The following RAB38 variants were observed in gnomAD, a reference collection of about 807,000 sequenced individuals.
The protein encoded by RAB38 is RAB38, member RAS oncogene family.
A neutral mutation model predicts 18.4 loss-of-function variants in RAB38; 15 were observed. That is an observed-to-expected ratio of 0.82 (90% confidence interval 0.55 to 1.26). RAB38 has a LOEUF of 1.26. Among genes scored for constraint, RAB38 ranks in the 50% most tolerant of loss-of-function variants. The pLI is 0.00. For missense variants in RAB38, 294 were observed against 267.4 expected (o/e 1.10, Z -0.69); for synonymous variants, 101 against 104.4 (o/e 0.97, Z 0.20).
chr11:87,846,398 G>T, the RAB38 span, among the ~76,000 whole-genome samples: 1 of 152,038 alleles, frequency 6.6e-6, no homozygotes, highest in Non-Finnish European at 1.5e-5. Context: ...AATGAATGGG[G>T]AGAATCGATA....
the RAB38 span, among the ~76,000 whole-genome samples, chr11:87,941,617 G>T: frequency 6.6e-6 from 1 of 152,014 alleles, no homozygotes; most frequent in African/African-American, 2.4e-5. Context: ...AGTACTTGTG[G>T]AATAAAGGAA....
the RAB38 span, among the ~76,000 whole-genome samples, chr11:87,970,048 G>C: frequency 6.6e-6 from 1 of 152,046 alleles, no homozygotes; most frequent in East Asian, 1.9e-4. Context: ...AGAATCAAGA[G>C]ATTCAAAGTG....
chr11:87,857,590 T>C, the RAB38 span, among the ~76,000 whole-genome samples: 6 of 152,360 alleles, frequency 3.9e-5, no homozygotes, highest in Non-Finnish European at 8.8e-5. Flanking sequence ...ATTGTGGTTT[T>C]GATTTGCATT....
chr11:88,079,072 C>T, the RAB38 span, among the ~76,000 whole-genome samples: 1 of 151,090 alleles, frequency 6.6e-6, no homozygotes, highest in Non-Finnish European at 1.5e-5. Flanking sequence ...CTAAAGTGGG[C>T]CAATGGGAAG....
chr11:87,873,949 T>TATAC, the RAB38 span, among the ~76,000 whole-genome samples: 8 of 138,100 alleles, frequency 5.8e-5, no homozygotes, highest in South Asian at 1.1e-3. Flanking sequence ...TATATATATA[T>TATAC]ACTCTGCATA....
intron 1 of RAB38, among the ~76,000 whole-genome samples, chr11:88,174,637 A>AAAAAAAAAAAAAAAC (rs1555014231): frequency 3.7e-5 from 5 of 133,666 alleles, no homozygotes; most frequent in Admixed American, 7.8e-5. Flanking sequence ...AAAAAAAAAA[A>AAAAAAAAAAAAAAAC]AAAACAAAAC....
chr11:87,893,390 A>ATATATATATATATATATATAT, the RAB38 span, among the ~76,000 whole-genome samples: 81 of 93,886 alleles, frequency 8.6e-4, no homozygotes, highest in South Asian at 6.9e-3. Flanking sequence ...ATATATATAT[A>ATATATATATATATATATATAT]TTTTTTTTTT....
chr11:87,877,880 A>G, the RAB38 span, among the ~76,000 whole-genome samples: 1 of 151,382 alleles, frequency 6.6e-6, no homozygotes, highest in Non-Finnish European at 1.5e-5. Context: ...CAGATTCCCC[A>G]CTTGCCTTAT....
chr11:87,943,768 C>T, the RAB38 span, among the ~76,000 whole-genome samples: 4 of 152,188 alleles, frequency 2.6e-5, no homozygotes, highest in East Asian at 5.8e-4. Flanking sequence ...ACAGAGGCAA[C>T]TGAATGTGTC....
the RAB38 span, among the ~76,000 whole-genome samples, chr11:87,957,795 G>A: frequency 6.6e-6 from 1 of 152,064 alleles, no homozygotes; most frequent in African/African-American, 2.4e-5. Flanking sequence ...CGTGGGGAAA[G>A]GAAGAAGGGA....
chr11:87,902,301 T>C, the RAB38 span, among the ~76,000 whole-genome samples: 2 of 151,570 alleles, frequency 1.3e-5, no homozygotes, highest in Non-Finnish European at 3.0e-5. Context: ...AATTATCCTT[T>C]TACAAATACT....
At chr11:87,901,746 A>G in the RAB38 span, among the ~76,000 whole-genome samples, 9 of 151,564 alleles carry the variant, frequency 5.9e-5, no homozygotes, top group Non-Finnish European at 1.2e-4. Context: ...ACAAATCTTA[A>G]AAGTGTCATT....
intron 1 of RAB38, chr11:88,165,559 C>T (rs1943235832): frequency 6.6e-6 from 1 of 152,056 alleles, no homozygotes; most frequent in Admixed American, 6.6e-5. Context: ...CTTAAAAGAG[C>T]AGTTTTATGC....
chr11:87,829,385 G>T, the RAB38 span, among the ~76,000 whole-genome samples: 1 of 152,110 alleles, frequency 6.6e-6, no homozygotes, highest in Non-Finnish European at 1.5e-5. Context: ...CCTGAGACTG[G>T]GTAATTTATA....
chr11:87,882,739 G>A, the RAB38 span, among the ~76,000 whole-genome samples: 210 of 151,742 alleles, frequency 1.4e-3, no homozygotes, highest in African/African-American at 4.7e-3. Context: ...TTTTGTTGTC[G>A]GCAGTAAAAT....
the RAB38 span, among the ~76,000 whole-genome samples, chr11:87,965,580 G>A: frequency 6.6e-6 from 1 of 152,104 alleles, no homozygotes. Context: ...TTCCTGTGGG[G>A]TATGGAGGGG....
chr11:88,163,538 T>C (rs769728749), intron 1 of RAB38, among the ~76,000 whole-genome samples: 41 of 152,064 alleles, frequency 2.7e-4, no homozygotes, highest in Non-Finnish European at 4.0e-4. Flanking sequence ...TTAGTTATCA[T>C]CTCTTAAAGG....
At chr11:87,890,861 T>C in the RAB38 span, among the ~76,000 whole-genome samples, 1 of 151,870 alleles carries the variant, frequency 6.6e-6, no homozygotes, top group Non-Finnish European at 1.5e-5. Context: ...AGTGTATCCA[T>C]TTCAGGAGGA....
At chr11:88,149,585 A>G in intron 2 of RAB38, 90 bp downstream of exon 2, 2 of 1,426,732 alleles carry the variant, frequency 1.4e-6, no homozygotes, top group East Asian at 4.6e-5. Context: ...AAACAAACAT[A>G]TTATTATCAT....
Sources: gnomAD v4.1 joint callset for allele counts (sites outside exome capture counted in the v4.1 genomes callset) on GRCh38, gnomAD v4.1.1 for gene constraint, MANE v1.5 for transcripts, NCBI Gene and HGNC (gene_info 2026-07-23, HGNC 2026-07-21) for gene names.